Variants in SORCS1 observed in about 807,000 individuals in gnomAD.
The protein encoded by SORCS1 is sortilin related VPS10 domain containing receptor 1.
A neutral mutation model predicts 146.1 loss-of-function variants in SORCS1; 60 were observed. That is an observed-to-expected ratio of 0.41 (90% CI 0.33 to 0.51). SORCS1 has a LOEUF of 0.51. Ranked by LOEUF, SORCS1 falls within the 20% of genes least tolerant of loss-of-function variation. The pLI is 0.21. For missense variants in SORCS1, 1,352 were observed against 1,487.6 expected (o/e 0.91, Z 1.50); for synonymous variants, 637 against 584.0 (o/e 1.09, Z -1.31).
intron 2 of SORCS1, among the ~76,000 whole-genome samples, chr10:106,873,177 A>G (rs778346064): frequency 5.9e-5 from 9 of 151,414 alleles, no homozygotes; most frequent in Non-Finnish European, 1.0e-4. Context: ...CCAGAAATAA[A>G]TGGGTAATCC....
rs139248127 is a variant in SORCS1 at position 106,942,420 on chromosome 10, C to T, written c.626+14093G>A. 2.2e-4 allele frequency among the ~76,000 whole-genome samples: 33 copies of T among 152,300 alleles called. No homozygotes were observed. In the East Asian group the frequency reaches 3.3e-3, roughly 15 times the overall value. On this transcript the variant is annotated intron_variant, in intron 2 of 25. Coordinates refer to ENST00000263054, the MANE Select transcript of SORCS1 (RefSeq NM_052918.5). ...TAACCAAATGCCTTCTTGTGTGTTA[C>T]ACAAGGCTCACTGGAACAAAAAAAG...
intron 1 of SORCS1, among the ~76,000 whole-genome samples, chr10:106,976,774 A>G (rs1956044775): frequency 2.6e-5 from 4 of 151,970 alleles, no homozygotes; most frequent in Admixed American, 2.0e-4. Flanking sequence ...ACTCCCACTT[A>G]TGAGTGAGAA....
intron 1 of SORCS1, among the ~76,000 whole-genome samples, chr10:107,030,126 T>C (rs1244929256): frequency 1.3e-5 from 2 of 152,132 alleles, no homozygotes; most frequent in Non-Finnish European, 2.9e-5. Context: ...GTCTACTCCA[T>C]GTTGCTTTTT....
At chr10:107,035,238 A>G (rs1297116697) in intron 1 of SORCS1, among the ~76,000 whole-genome samples, 1 of 149,070 alleles carries the variant, frequency 6.7e-6, no homozygotes, top group African/African-American at 2.5e-5. Context: ...AAGGCAACTT[A>G]GAGCATTTGG....
intron 2 of SORCS1, among the ~76,000 whole-genome samples, chr10:106,898,742 A>AT (rs1363930600): frequency 1.3e-5 from 2 of 151,620 alleles, no homozygotes; most frequent in African/African-American, 2.4e-5. Flanking sequence ...GGTTTTCCTT[A>AT]TTTTTTCCCA....
At chr10:107,090,080 G>C (rs1392715302) in intron 1 of SORCS1, among the ~76,000 whole-genome samples, 1 of 152,208 alleles carries the variant, frequency 6.6e-6, no homozygotes, top group African/African-American at 2.4e-5. Context: ...AGAAGGTGGA[G>C]AGCCTGATGG....
rs1302394610 is a variant in SORCS1, at chr10:106,688,101, C to A, written c.1560+91G>T. On this transcript the variant is annotated intron_variant, in intron 10 of 25. Coordinates refer to ENST00000263054, the MANE Select transcript of SORCS1 (RefSeq NM_052918.5). ...CACTCCCTTTTGTTCATCAACTGAGCAAAAGTCCCAGAACTATCCTCACCC... is the reference window on the plus strand; with the variant it reads ...CACTCCCTTTTGTTCATCAACTGAGAAAAAGTCCCAGAACTATCCTCACCC... 4.0e-6 allele frequency: 6 copies of A among 1,511,312 alleles called. No homozygotes were observed. In the East Asian group the frequency reaches 9.3e-5, roughly 24 times the overall value. The allele number at this position is 1,511,312 out of a possible 1,614,324, so 93.6% of individuals were successfully genotyped here.
Position 107,164,595 on chromosome 10 carries a change from G to T in SORCS1, c.-69C>A. On this transcript the variant is annotated 5_prime_UTR_variant, in exon 1 of 26. Coordinates refer to ENST00000263054, the MANE Select transcript of SORCS1 (RefSeq NM_052918.5). The surrounding 1 kb of genome is among the most constrained non-coding windows in gnomAD (Gnocchi z 6.8). ...GTGGCGGCACGAGCTCTGCGCTGGC[G>T]GCTGTGGGGGGCCGGCGCTCAGGAC... is the stretch of plus-strand genomic sequence containing the variant. The T allele has an allele frequency of 8.1e-7, 1 of 1,230,274 alleles. No homozygotes were observed. Among genetic ancestry groups the T allele is most frequent in the Non-Finnish European group, 1.0e-6 (1 of 965,228 alleles). The allele number at this position is 1,230,274 out of a possible 1,614,324, so 76.2% of individuals were successfully genotyped here.
At chr10:106,866,237 C>T (rs1330479649) in intron 2 of SORCS1, among the ~76,000 whole-genome samples, 1 of 152,060 alleles carries the variant, frequency 6.6e-6, no homozygotes, top group African/African-American at 2.4e-5. Flanking sequence ...AGCAAAGACC[C>T]TAAGTGCCTT....
At chr10:106,810,048 C>A (rs1189384801) in intron 3 of SORCS1, among the ~76,000 whole-genome samples, 1 of 152,142 alleles carries the variant, frequency 6.6e-6, no homozygotes, top group South Asian at 2.1e-4. Context: ...TGGCAAAAGC[C>A]CGTCTCTACT....
At chr10:106,776,951 TTTAGGGGA>T (rs1254319499) in intron 3 of SORCS1, among the ~76,000 whole-genome samples, 6 of 152,242 alleles carry the variant, frequency 3.9e-5, no homozygotes, top group South Asian at 2.1e-4. Context: ...TCTCTTCTCT[TTTAGGGGA>T]CTCTTTGTTT....
intron 1 of SORCS1, among the ~76,000 whole-genome samples, chr10:107,007,564 G>A (rs1957510172): frequency 6.6e-6 from 1 of 152,166 alleles, no homozygotes; most frequent in Admixed American, 6.5e-5. Context: ...TCATACAACT[G>A]CCACTGGCAA....
intron 2 of SORCS1, among the ~76,000 whole-genome samples, chr10:106,934,506 G>A (rs764187736): frequency 6.6e-6 from 1 of 152,002 alleles, no homozygotes; most frequent in African/African-American, 2.4e-5. Context: ...TGATCCACCC[G>A]CCTTGGCCTC....
At chr10:107,033,027 G>C (rs987692918) in intron 1 of SORCS1, among the ~76,000 whole-genome samples, 2 of 152,096 alleles carry the variant, frequency 1.3e-5, no homozygotes, top group Non-Finnish European at 2.9e-5. Flanking sequence ...AACTACCTGA[G>C]ACTAGATAAT....
chr10:106,891,497 G>A (rs1488295829), intron 2 of SORCS1, among the ~76,000 whole-genome samples: 1 of 80,898 alleles, frequency 1.2e-5, no homozygotes, highest in Non-Finnish European at 2.7e-5. Context: ...AAGTTTCAAT[G>A]GGAATTCTTT....
At chr10:106,577,848 G>A (rs999413614) in intron 25 of SORCS1, 3 of 273,782 alleles carry the variant, frequency 1.1e-5, no homozygotes, top group Non-Finnish European at 2.0e-5. Flanking sequence ...TTATTACCTT[G>A]CCTCTCCAAA....
Position 107,145,132 on chromosome 10 carries a change from C to T in SORCS1, c.558+18837G>A, listed in dbSNP as rs1968206429. Among the ~76,000 whole-genome samples the T allele has an allele frequency of 3.3e-5, 5 of 152,178 alleles. No individual in the cohort carries two copies. In the South Asian group the frequency reaches 1.0e-3, roughly 32 times the overall value. On this transcript the variant is annotated intron_variant, in intron 1 of 25. Transcript: ENST00000263054. ...CCATCAGCAAACAACGTGATAAACACCAATGTGGGTGGTAGTGGGAGATGA... is the reference window on the plus strand; with the variant it reads ...CCATCAGCAAACAACGTGATAAACATCAATGTGGGTGGTAGTGGGAGATGA...
chr10:106,814,762 A>C (rs1205436524), intron 3 of SORCS1, among the ~76,000 whole-genome samples: 1 of 151,734 alleles, frequency 6.6e-6, no homozygotes, highest in Non-Finnish European at 1.5e-5. Flanking sequence ...AAAATACAAA[A>C]AAATTAGCCA....
chr10:106,826,301 T>A (rs894765553), intron 3 of SORCS1, among the ~76,000 whole-genome samples: 1 of 152,228 alleles, frequency 6.6e-6, no homozygotes, highest in Non-Finnish European at 1.5e-5. Context: ...GAGAGAAGTA[T>A]CTGGTACAAA....
Sources: allele counts gnomAD v4.1 joint callset (sites outside exome capture counted in the v4.1 genomes callset), GRCh38; gene constraint gnomAD v4.1.1; non-coding constraint Gnocchi (gnomAD v3.1); transcripts MANE v1.5; gene names NCBI Gene and HGNC (gene_info 2026-07-23, HGNC 2026-07-21).